Variants in IGSF21 observed in about 807,000 individuals in gnomAD.
IGSF21 encodes immunoglobin superfamily member 21.
IGSF21 carries 28 observed loss-of-function variants against 46.8 expected under a neutral mutation model. The ratio of observed to expected loss-of-function variants is 0.60; its 90% CI spans 0.44 to 0.82. IGSF21 has a LOEUF of 0.82. Ranked by LOEUF, IGSF21 falls within the 40% of genes least tolerant of loss-of-function variation. IGSF21 has a pLI of 0.00. For synonymous variants in IGSF21, 284 were observed against 273.6 expected, an observed-to-expected ratio of 1.04 and a Z score of -0.38; for missense variants, 624 against 665.5, an observed-to-expected ratio of 0.94 and a Z score of 0.69.
intron 1 of IGSF21, among the ~76,000 whole-genome samples, chr1:18,166,381 A>T (rs972138050): frequency 3.9e-5 from 6 of 151,984 alleles, no homozygotes; most frequent in African/African-American, 1.4e-4. Context: ...AAAGGGTGTG[A>T]TGGGCTTTGG....
At chr1:18,192,145 A>G (rs114470532) in intron 1 of IGSF21, among the ~76,000 whole-genome samples, 1,694 of 152,302 alleles carry the variant, frequency 0.011, 30 homozygotes, top group African/African-American at 0.037. Context: ...TTTACCACGT[A>G]AGCATCCTGA....
At chr1:18,338,329 T>C (rs997605993) in intron 4 of IGSF21, among the ~76,000 whole-genome samples, 1 of 152,202 alleles carries the variant, frequency 6.6e-6, no homozygotes, top group Non-Finnish European at 1.5e-5. Flanking sequence ...ATTGCTTTGG[T>C]TCATCTGTGG....
Position 18,335,038 on chromosome 1 carries a change from G to A in IGSF21, c.424+28G>A, listed in dbSNP as rs2085752690. On this transcript the variant is annotated intron_variant, in intron 4 of 9. Transcript: ENST00000251296. The surrounding 1 kb of genome is among the most constrained non-coding windows in gnomAD (Gnocchi z 4.8). The stretch of plus-strand genomic sequence containing the variant: ...GAGTGCAGGGCCACTGGCCCCTGGT[G>A]TCTCAGTGAGGAGGACGAGTATGCT... The A allele has an allele frequency of 6.5e-7, 1 of 1,540,458 alleles. No homozygotes were observed. Among genetic ancestry groups the A allele is most frequent in the African/African-American group, 1.4e-5 (1 of 73,394 alleles).
rs142733015 is a variant in IGSF21 at position 18,197,734 on chromosome 1, A to G, written c.71-30164A>G. On this transcript the variant is annotated intron_variant, in intron 1 of 9. Coordinates refer to ENST00000251296, the MANE Select transcript of IGSF21 (RefSeq NM_032880.5). ...TGACCTTGGGTATGTGACTTTATCTATCTGAGCCTAAGTTTCCTCATCTAT... is the reference window on the plus strand; with the variant it reads ...TGACCTTGGGTATGTGACTTTATCTGTCTGAGCCTAAGTTTCCTCATCTAT... Among the ~76,000 whole-genome samples, 256 of 152,324 alleles carry G rather than the reference A, an allele frequency of 1.7e-3. 2 individuals are homozygous for G. The highest frequency in any genetic ancestry group is 5.0e-3 in the African/African-American group (207 of 41,574).
chr1:18,372,835 T>C (rs1557666260), intron 6 of IGSF21, among the ~76,000 whole-genome samples: 5 of 119,894 alleles, frequency 4.2e-5, no homozygotes, highest in African/African-American at 1.9e-4. Flanking sequence ...GATGGATGGA[T>C]GGATGGATGG....
intron 6 of IGSF21, among the ~76,000 whole-genome samples, chr1:18,368,144 T>C (rs561491513): frequency 6.6e-6 from 1 of 152,076 alleles, no homozygotes; most frequent in African/African-American, 2.4e-5. Flanking sequence ...TCACTCTGCC[T>C]CCTCACGGCG....
chr1:18,320,996 C>T (rs2085595089), intron 3 of IGSF21, among the ~76,000 whole-genome samples: 1 of 152,250 alleles, frequency 6.6e-6, no homozygotes, highest in Non-Finnish European at 1.5e-5. Context: ...TCAGAGCTTT[C>T]TCTCTGAATT....
At position 18,302,319 on chromosome 1, in the gene IGSF21, C is replaced by T. The variant is rs139251363; in HGVS notation, c.305+10332C>T. Among the ~76,000 whole-genome samples, 9 of 152,208 alleles carry T rather than the reference C, an allele frequency of 5.9e-5. No homozygotes were observed. The East Asian group carries it at 1.7e-3, about 30-fold the overall frequency. On this transcript the variant is annotated intron_variant, in intron 3 of 9. Coordinates refer to ENST00000251296, the MANE Select transcript of IGSF21 (RefSeq NM_032880.5). ...TCCTGCTGGCTCCCACCTGTCCACT[C>T]GCATGTCTACTGTCTCCACCAAGGC...
At chr1:18,295,854 C>G (rs1557630254) in intron 3 of IGSF21, among the ~76,000 whole-genome samples, 1 of 152,174 alleles carries the variant, frequency 6.6e-6, no homozygotes. Flanking sequence ...CATACCCAGC[C>G]CCCTCGTCCC....
At chr1:18,248,365 AG>A (rs985972487) in intron 2 of IGSF21, among the ~76,000 whole-genome samples, 5 of 152,322 alleles carry the variant, frequency 3.3e-5, no homozygotes, top group African/African-American at 1.2e-4. Context: ...GGCTTTGGGC[AG>A]CCTGTCGGAG....
chr1:18,258,928 T>C (rs1345411253), intron 2 of IGSF21, among the ~76,000 whole-genome samples: 1 of 152,228 alleles, frequency 6.6e-6, no homozygotes, highest in Non-Finnish European at 1.5e-5. Context: ...TCAGTGCTCA[T>C]CTGAGTTTGA....
At chr1:18,297,350 T>C (rs1403964984) in intron 3 of IGSF21, among the ~76,000 whole-genome samples, 6 of 152,158 alleles carry the variant, frequency 3.9e-5, no homozygotes, top group Admixed American at 6.5e-5. Context: ...AGGCCCCCGT[T>C]CCTTCCCCCA....
chr1:18,152,135 G>A (rs2086526585), intron 1 of IGSF21, among the ~76,000 whole-genome samples: 1 of 152,206 alleles, frequency 6.6e-6, no homozygotes, highest in African/African-American at 2.4e-5. Context: ...TATATGCCTG[G>A]TAGATGAACG....
chr1:18,362,792 G>C (rs550627159), intron 5 of IGSF21, among the ~76,000 whole-genome samples: 2 of 152,166 alleles, frequency 1.3e-5, no homozygotes, highest in Non-Finnish European at 2.9e-5. Context: ...ACCCAACATA[G>C]TTTCTTTGAT....
At chr1:18,199,932 G>A (rs1280460484) in intron 1 of IGSF21, among the ~76,000 whole-genome samples, 2 of 151,406 alleles carry the variant, frequency 1.3e-5, no homozygotes. Flanking sequence ...CTAGGCAATT[G>A]CATTGTGTGA....
At chr1:18,361,247 C>T (rs1017435861) in intron 4 of IGSF21, 10 of 152,160 alleles carry the variant, frequency 6.6e-5, no homozygotes, top group African/African-American at 2.4e-4. Context: ...TTCAGTGGCT[C>T]CCCATTGCTC....
chr1:18,161,549 G>GCAAGCGCCCATTC (rs1553150325), intron 1 of IGSF21, among the ~76,000 whole-genome samples: 1 of 152,122 alleles, frequency 6.6e-6, no homozygotes, highest in Non-Finnish European at 1.5e-5. Context: ...TGCTCACATT[G>GCAAGCGCCCATTC]CAAGCGCCCA....
At chr1:18,144,806 G>A (rs1193496407) in intron 1 of IGSF21, among the ~76,000 whole-genome samples, 1 of 152,092 alleles carries the variant, frequency 6.6e-6, no homozygotes, top group East Asian at 1.9e-4. Context: ...TCCTGCTGGG[G>A]CCCTTGTTCT....
chr1:18,352,506 C>T (rs2085968262), intron 4 of IGSF21, among the ~76,000 whole-genome samples: 1 of 152,176 alleles, frequency 6.6e-6, no homozygotes, highest in Non-Finnish European at 1.5e-5. Flanking sequence ...CCAGGGAACA[C>T]ACTTGGAGAA....
Sources: gnomAD v4.1 joint callset for allele counts (sites outside exome capture counted in the v4.1 genomes callset) on GRCh38, gnomAD v4.1.1 for gene constraint, Gnocchi (gnomAD v3.1) non-coding constraint, MANE v1.5 for transcripts, NCBI Gene and HGNC (gene_info 2026-07-23, HGNC 2026-07-21) for gene names.